Variants in GALNTL6 observed in about 807,000 individuals in gnomAD.
GALNTL6 encodes the protein polypeptide N-acetylgalactosaminyltransferase like 6.
A neutral mutation model predicts 73.7 loss-of-function variants in GALNTL6; 46 were observed. The ratio of observed to expected loss-of-function variants is 0.62; its 90% CI spans 0.49 to 0.80. The LOEUF is 0.80. Ranked by LOEUF, GALNTL6 falls within the 30% of genes least tolerant of loss-of-function variation. The pLI is 0.00. For missense variants in GALNTL6, 604 were observed against 755.0 expected (o/e 0.80, Z 2.34); for synonymous variants, 259 against 263.7 (o/e 0.98, Z 0.17).
At chr4:172,678,985 G>C (rs1732467609) in intron 5 of GALNTL6, among the ~76,000 whole-genome samples, 1 of 152,164 alleles carries the variant, frequency 6.6e-6, no homozygotes, top group African/African-American at 2.4e-5. Flanking sequence ...CGTGAACACA[G>C]CCATGAACAA....
At chr4:172,702,279 A>C (rs1447258038) in intron 5 of GALNTL6, among the ~76,000 whole-genome samples, 1 of 152,052 alleles carries the variant, frequency 6.6e-6, no homozygotes, top group African/African-American at 2.4e-5. Context: ...TTGTTTATAC[A>C]TTATTTTCAG....
chr4:173,038,265 T>C (rs546509997), intron 12 of GALNTL6, among the ~76,000 whole-genome samples: 32 of 152,136 alleles, frequency 2.1e-4, no homozygotes, highest in Non-Finnish European at 3.4e-4. Flanking sequence ...GCATGAGAGA[T>C]GCTGGGGAAG....
chr4:172,114,624 G>A (rs538680295), intron 2 of GALNTL6, among the ~76,000 whole-genome samples: 7 of 152,114 alleles, frequency 4.6e-5, no homozygotes, highest in Non-Finnish European at 2.9e-5. Flanking sequence ...CAAGTTATAC[G>A]TCGGCACTGT....
At chr4:172,235,568 T>G (rs2110980333) in intron 3 of GALNTL6, among the ~76,000 whole-genome samples, 1 of 152,344 alleles carries the variant, frequency 6.6e-6, no homozygotes, top group Non-Finnish European at 1.5e-5. Flanking sequence ...TCATCTATTT[T>G]ATTTTTCTCT....
chr4:173,004,901 C>G (rs993028380), intron 10 of GALNTL6, among the ~76,000 whole-genome samples: 2 of 152,154 alleles, frequency 1.3e-5, no homozygotes, highest in Non-Finnish European at 2.9e-5. Context: ...GAGGAATGAA[C>G]CCACCACTTC....
intron 2 of GALNTL6, among the ~76,000 whole-genome samples, chr4:172,077,929 G>A (rs908485190): frequency 6.6e-5 from 10 of 152,122 alleles, no homozygotes; most frequent in African/African-American, 1.7e-4. Flanking sequence ...AGAACAGGGC[G>A]CCCTGCATCT....
At chr4:172,730,778 G>C (rs894278149) in intron 5 of GALNTL6, among the ~76,000 whole-genome samples, 1 of 152,090 alleles carries the variant, frequency 6.6e-6, no homozygotes, top group African/African-American at 2.4e-5. Flanking sequence ...TCAAATTTTT[G>C]TAAGAGTTTG....
intron 5 of GALNTL6, among the ~76,000 whole-genome samples, chr4:172,695,974 T>C (rs942627821): frequency 6.6e-6 from 1 of 152,068 alleles, no homozygotes; most frequent in African/African-American, 2.4e-5. Context: ...GAAATTGTAA[T>C]CTTGGAAAAT....
intron 5 of GALNTL6, among the ~76,000 whole-genome samples, chr4:172,487,988 A>G (rs1464794549): frequency 6.6e-6 from 1 of 152,174 alleles, no homozygotes; most frequent in Non-Finnish European, 1.5e-5. Flanking sequence ...TTCCAAAATC[A>G]TTATCTTTAA....
rs141729646 is a variant in GALNTL6 at position 172,607,956 on chromosome 4, A to G, written c.554-201405A>G. Reference sequence around the variant, plus strand: ...TATAATGGTGTCATTTGTTCTTTGCATGTGAATTTGGTGTATAAATGATAT... The same window carrying G: ...TATAATGGTGTCATTTGTTCTTTGCGTGTGAATTTGGTGTATAAATGATAT... On this transcript the variant is annotated intron_variant, in intron 5 of 12. Coordinates refer to ENST00000506823, the MANE Select transcript of GALNTL6 (RefSeq NM_001034845.3). Among the ~76,000 whole-genome samples, 18 of 152,060 alleles carry G rather than the reference A, an allele frequency of 1.2e-4. No homozygotes were observed. The East Asian group carries it at 3.3e-3, about 28-fold the overall frequency.
At chr4:171,964,628 T>G (rs1181170133) in intron 2 of GALNTL6, among the ~76,000 whole-genome samples, 1 of 152,166 alleles carries the variant, frequency 6.6e-6, no homozygotes, top group Admixed American at 6.5e-5. Context: ...TATCATATGA[T>G]TATATTGTAT....
intron 2 of GALNTL6, among the ~76,000 whole-genome samples, chr4:172,176,683 G>A (rs557059208): frequency 1.8e-3 from 271 of 152,188 alleles, no homozygotes; most frequent in African/African-American, 5.9e-3. Context: ...TAGCTACTGT[G>A]CAGGCTGAGG....
chr4:172,760,128 G>T (rs892149925), intron 5 of GALNTL6, among the ~76,000 whole-genome samples: 3 of 151,652 alleles, frequency 2.0e-5, no homozygotes, highest in Non-Finnish European at 4.4e-5. Flanking sequence ...GAGCCACCGC[G>T]CCCGGCCACC....
chr4:172,824,694 T>TG (rs1742140730), intron 7 of GALNTL6, among the ~76,000 whole-genome samples: 3 of 152,144 alleles, frequency 2.0e-5, no homozygotes, highest in Admixed American at 2.0e-4. Flanking sequence ...GGATCACTCG[T>TG]GGAGGTAGGT....
intron 2 of GALNTL6, among the ~76,000 whole-genome samples, chr4:171,948,936 T>G (rs1194515626): frequency 6.7e-6 from 1 of 148,420 alleles, no homozygotes; most frequent in South Asian, 2.2e-4. Flanking sequence ...TTCAACAGTA[T>G]GACAGACTCG....
intron 10 of GALNTL6, among the ~76,000 whole-genome samples, chr4:172,999,269 C>T (rs879348291): frequency 2.6e-5 from 4 of 152,138 alleles, no homozygotes; most frequent in Admixed American, 6.5e-5. Flanking sequence ...GCCACTCCTG[C>T]GAGGGCTGCT....
chr4:171,984,057 G>A (rs1222249338), intron 2 of GALNTL6, among the ~76,000 whole-genome samples: 1 of 152,058 alleles, frequency 6.6e-6, no homozygotes, highest in African/African-American at 2.4e-5. Flanking sequence ...ATTCATTAGG[G>A]GCCCCTTGAC....
intron 2 of GALNTL6, among the ~76,000 whole-genome samples, chr4:171,966,489 A>T (rs1739385187): frequency 6.6e-6 from 1 of 152,138 alleles, no homozygotes; most frequent in African/African-American, 2.4e-5. Context: ...GCCTGATTGG[A>T]TAAGAAAGTG....
chr4:172,956,276 A>G (rs1249200912), intron 10 of GALNTL6, among the ~76,000 whole-genome samples: 1 of 152,062 alleles, frequency 6.6e-6, no homozygotes, highest in East Asian at 1.9e-4. Context: ...GGGTTGTTAG[A>G]AGAAACATTT....
Sources: allele counts gnomAD v4.1 joint callset (sites outside exome capture counted in the v4.1 genomes callset), GRCh38; gene constraint gnomAD v4.1.1; transcripts MANE v1.5; gene names NCBI Gene and HGNC (gene_info 2026-07-23, HGNC 2026-07-21).